The following LNP1 variants were observed in gnomAD, a reference collection of about 807,000 sequenced individuals.
LNP1 encodes the protein leukemia NUP98 fusion partner 1.
A neutral mutation model predicts 14.5 loss-of-function variants in LNP1; 12 were observed. That is an observed-to-expected ratio of 0.83 (90% CI 0.53 to 1.34). LNP1 has a LOEUF of 1.34. Ranked by LOEUF, LNP1 falls within the 40% of genes most tolerant of loss-of-function variation. The pLI is 0.00. For synonymous variants in LNP1, 75 were observed against 71.4 expected (o/e 1.05, Z -0.26); for missense variants, 198 against 210.9 (o/e 0.94, Z 0.38).
chr3:100,430,685 T>A (rs1048664700), intron 2 of LNP1, among the ~76,000 whole-genome samples: 1 of 152,238 alleles, frequency 6.6e-6, no homozygotes, highest in Non-Finnish European at 1.5e-5. Flanking sequence ...AATCCCCTGC[T>A]GTTGCCAACC....
chr3:100,416,500 C>T (rs1426512603), intron 1 of LNP1, among the ~76,000 whole-genome samples: 2 of 151,682 alleles, frequency 1.3e-5, no homozygotes, highest in African/African-American at 4.8e-5. Context: ...CATTTCAAGG[C>T]CATAATCTGG....
intron 1 of LNP1, among the ~76,000 whole-genome samples, chr3:100,414,818 C>T (rs1707065485): frequency 6.6e-6 from 1 of 152,148 alleles, no homozygotes; most frequent in Non-Finnish European, 1.5e-5. Context: ...ACATGAGCCT[C>T]AAATACCTTG....
At chr3:100,416,419 G>A (rs915353358) in intron 1 of LNP1, among the ~76,000 whole-genome samples, 21 of 152,002 alleles carry the variant, frequency 1.4e-4, no homozygotes, top group African/African-American at 5.1e-4. Flanking sequence ...GTTTTGTTTT[G>A]TTTTCTTTGT....
At chr3:100,446,445 T>A (rs907930692) in intron 2 of LNP1, among the ~76,000 whole-genome samples, 3 of 152,086 alleles carry the variant, frequency 2.0e-5, no homozygotes, top group African/African-American at 7.2e-5. Context: ...ATACAAAAAT[T>A]AATTCAAGAT....
chr3:100,449,834 T>C (rs1475521826), intron 2 of LNP1, among the ~76,000 whole-genome samples: 1 of 152,164 alleles, frequency 6.6e-6, no homozygotes, highest in Admixed American at 6.5e-5. Flanking sequence ...ATTGTAGTTA[T>C]TTCAGAAGTA....
At chr3:100,417,393 T>C (rs1269846386) in intron 1 of LNP1, among the ~76,000 whole-genome samples, 7 of 144,636 alleles carry the variant, frequency 4.8e-5, no homozygotes, top group Admixed American at 4.1e-4. Context: ...TTTTTTTTTT[T>C]CGAGACAGGA....
chr3:100,441,534 T>G (rs1371729312), intron 2 of LNP1, among the ~76,000 whole-genome samples: 2 of 152,152 alleles, frequency 1.3e-5, no homozygotes, highest in Non-Finnish European at 2.9e-5. Flanking sequence ...TTTAGGATAT[T>G]TATTAAACAT....
intron 2 of LNP1, among the ~76,000 whole-genome samples, chr3:100,430,978 A>G (rs930179216): frequency 6.6e-6 from 1 of 152,246 alleles, no homozygotes; most frequent in Non-Finnish European, 1.5e-5. Context: ...GTGATCTCTA[A>G]GAACCCTTCT....
intron 2 of LNP1, among the ~76,000 whole-genome samples, chr3:100,445,305 T>G (rs1707377459): frequency 6.6e-6 from 1 of 152,286 alleles, no homozygotes; most frequent in Non-Finnish European, 1.5e-5. Flanking sequence ...TTATTTTATC[T>G]CTCAAAATTA....
At chr3:100,439,997 T>A (rs1190543081) in intron 2 of LNP1, among the ~76,000 whole-genome samples, 2 of 152,116 alleles carry the variant, frequency 1.3e-5, no homozygotes, top group African/African-American at 4.8e-5. Context: ...ACAGGAGAAA[T>A]TTATTTTCTT....
chr3:100,408,699 G>A (rs1706996175), intron 1 of LNP1, among the ~76,000 whole-genome samples: 2 of 152,170 alleles, frequency 1.3e-5, no homozygotes, highest in South Asian at 4.1e-4. Context: ...GGTCTACCCA[G>A]TGCTGAGTTT....
rs918983053 is a variant in LNP1, at chr3:100,429,825, A to C, written c.96A>C (p.Gly32=). The part of the protein sequence containing the change: ...GHSWREEDQR[G]LRERHRLQAT... ...GCTGGAGAGAGGAGGATCAGAGAGGACTCCGGGAACGCCACCGACTGCAAG... is the reference window on the plus strand; with the variant it reads ...GCTGGAGAGAGGAGGATCAGAGAGGCCTCCGGGAACGCCACCGACTGCAAG... Residue 32 remains glycine, a synonymous_variant, in exon 2 of 4, where the codon GGA becomes GGC. Transcript: ENST00000383693. 2 of 1,613,612 alleles carry C rather than the reference A, an allele frequency of 1.2e-6. No homozygotes were observed. Among genetic ancestry groups the C allele is most frequent in the Non-Finnish European group, 1.7e-6 (2 of 1,179,896 alleles).
rs1045775124 is a variant in LNP1 at position 100,456,202 on chromosome 3, G to T, written c.*276G>T. The T allele has an allele frequency of 7.8e-6, 2 of 257,900 alleles. No individual in the cohort carries two copies. The highest frequency in any genetic ancestry group is 2.2e-5 in the African/African-American group (1 of 45,210). The allele number at this position is 257,900 out of a possible 1,614,324, so 16.0% of individuals were successfully genotyped here. A position where few individuals can be genotyped will look rare whatever the true frequency, so the allele number is the denominator to read the frequency against. ...AAAGAGAATAAAAGGTATTTTAATA[G>T]AATAAAGAAAAATTTGAAAATATAA... On this transcript the variant is annotated 3_prime_UTR_variant, in exon 4 of 4. Transcript: ENST00000383693.
chr3:100,432,006 A>T (rs1398949204), intron 2 of LNP1, among the ~76,000 whole-genome samples: 1 of 8,488 alleles, frequency 1.2e-4, no homozygotes, highest in African/African-American at 3.4e-4. Context: ...ATATATATAT[A>T]TATATATATA....
At chr3:100,423,429 T>C (rs1448079334) in intron 1 of LNP1, among the ~76,000 whole-genome samples, 2 of 152,162 alleles carry the variant, frequency 1.3e-5, no homozygotes, top group East Asian at 3.9e-4. Flanking sequence ...AGGCTGAGGT[T>C]GGAGGATTGC....
intron 1 of LNP1, among the ~76,000 whole-genome samples, chr3:100,417,526 C>T (rs1168079546): frequency 6.6e-6 from 1 of 151,716 alleles, no homozygotes; most frequent in African/African-American, 2.4e-5. Flanking sequence ...CAGGCCCACG[C>T]CACCATGCCC....
chr3:100,447,287 A>G (rs1240218562), intron 2 of LNP1, among the ~76,000 whole-genome samples: 2 of 152,226 alleles, frequency 1.3e-5, no homozygotes, highest in Middle Eastern at 3.2e-3. Flanking sequence ...GGATGAGTTT[A>G]TGTCCTTTGC....
chr3:100,438,288 T>G (rs9881564), intron 2 of LNP1, among the ~76,000 whole-genome samples: 140,151 of 152,188 alleles, frequency 0.92, 65,208 homozygotes, highest in Non-Finnish European at 0.99. Flanking sequence ...AGGTTTATTG[T>G]CACTTAAAGA....
chr3:100,415,237 T>A (rs987630651), intron 1 of LNP1, among the ~76,000 whole-genome samples: 1 of 152,142 alleles, frequency 6.6e-6, no homozygotes, highest in African/African-American at 2.4e-5. Flanking sequence ...TTTGTGATGT[T>A]TAAAACTTAC....
Sources: allele counts gnomAD v4.1 joint callset (sites outside exome capture counted in the v4.1 genomes callset), GRCh38; gene constraint gnomAD v4.1.1; transcripts MANE v1.5; gene names NCBI Gene and HGNC (gene_info 2026-07-23, HGNC 2026-07-21).